Variants in PIK3R4 observed in about 807,000 individuals in gnomAD.
PIK3R4 encodes phosphoinositide 3-kinase regulatory subunit 4.
In PIK3R4, 46 loss-of-function variants were observed where a neutral mutation model predicts 136.5. The ratio of observed to expected loss-of-function variants is 0.34; its 90% CI spans 0.27 to 0.43. The LOEUF (loss-of-function observed/expected upper bound fraction) is 0.43, where lower values mean the gene tolerates loss of function less well. Among genes scored for constraint, PIK3R4 ranks in the 20% least tolerant of loss-of-function variants. The pLI, the probability that PIK3R4 is intolerant of heterozygous loss-of-function variation, is 1.00. For synonymous variants in PIK3R4, 557 were observed against 566.7 expected, an observed-to-expected ratio of 0.98 and a Z score of 0.24; for missense variants, 1,331 against 1,649.5, an observed-to-expected ratio of 0.81 and a Z score of 3.35.
chr3:130,710,168 C>T (rs1409662347), intron 9 of PIK3R4, among the ~76,000 whole-genome samples: 2 of 151,824 alleles, frequency 1.3e-5, no homozygotes, highest in African/African-American at 4.8e-5. Flanking sequence ...AAACCAAATC[C>T]AGTATATATA....
chr3:130,692,711 G>A (rs1190742982), intron 13 of PIK3R4, among the ~76,000 whole-genome samples: 1 of 152,132 alleles, frequency 6.6e-6, no homozygotes, highest in Non-Finnish European at 1.5e-5. Flanking sequence ...AATGCCCACA[G>A]GGGCCCCACA....
intron 4 of PIK3R4, among the ~76,000 whole-genome samples, chr3:130,731,245 C>T (rs1338766104): frequency 1.3e-5 from 2 of 152,174 alleles, no homozygotes; most frequent in Non-Finnish European, 2.9e-5. Context: ...TACTCTTTTC[C>T]TTCTTAGCAG....
Position 130,728,627 on chromosome 3 carries a change from G to T in PIK3R4, c.1643C>A (p.Pro548His). The T allele has an allele frequency of 6.2e-7, 1 of 1,609,742 alleles. No individual in the cohort carries two copies. The stretch of plus-strand genomic sequence containing the variant: ...CAAGGTTTGTTTTACAATATTTTCA[G>T]GGTCACTTAGCAAAGTAACAACTTT... ...QQKVVTLLSDPENIVKQTLME... is the reference protein window; with the variant it reads ...QQKVVTLLSDHENIVKQTLME... The change falls in exon 6 of 20, where the codon CCT (proline) becomes CAT (histidine). Residue 548 changes from proline (P) to histidine (H), a missense_variant. By Grantham distance (77) the Pro-to-His change is moderately conservative. Transcript: ENST00000356763.
At chr3:130,729,042 AATAGG>A (rs2066748518) in intron 5 of PIK3R4, among the ~76,000 whole-genome samples, 1 of 152,230 alleles carries the variant, frequency 6.6e-6, no homozygotes, top group Non-Finnish European at 1.5e-5. Context: ...AAAATAATGG[AATAGG>A]ATTAGGATAT....
chr3:130,706,921 A>T lies in PIK3R4; in HGVS notation c.2721+27T>A, dbSNP rs368689174. ...CAGAAGAGCGTTCAAAGACATTAGG[A>T]GGACTACTGACTGGGTGACACAGTA... On this transcript the variant is annotated intron_variant, in intron 11 of 19. Transcript: ENST00000356763. 445 of 1,562,286 alleles carry T rather than the reference A, an allele frequency of 2.8e-4. 1 individual carries two copies. The highest frequency in any genetic ancestry group is 3.4e-4 in the Non-Finnish European group (389 of 1,152,736).
chr3:130,727,948 A>C (rs1457095138), intron 6 of PIK3R4, among the ~76,000 whole-genome samples: 2 of 151,640 alleles, frequency 1.3e-5, no homozygotes, highest in African/African-American at 2.4e-5. Context: ...CAGCAAAAAA[A>C]AAATGCTGCT....
At chr3:130,695,921 G>T (rs900490348) in intron 13 of PIK3R4, among the ~76,000 whole-genome samples, 1 of 151,976 alleles carries the variant, frequency 6.6e-6, no homozygotes, top group Non-Finnish European at 1.5e-5. Flanking sequence ...CTCAGCCAGG[G>T]CTTTGTGGGA....
At chr3:130,707,226 G>T in intron 10 of PIK3R4, 91 bp from the exon 11 acceptor site, 2 of 720,746 alleles carry the variant, frequency 2.8e-6, no homozygotes, top group Non-Finnish European at 4.4e-6. Context: ...AGTAGAGGAG[G>T]CAGGGATAGC....
At chr3:130,738,451 A>G (rs2066798875) in intron 2 of PIK3R4, among the ~76,000 whole-genome samples, 2 of 152,234 alleles carry the variant, frequency 1.3e-5, no homozygotes, top group African/African-American at 4.8e-5. Flanking sequence ...TCTAACAGAT[A>G]TCGACAGAAC....
intron 13 of PIK3R4, among the ~76,000 whole-genome samples, chr3:130,696,367 ATCTT>A (rs902729442): frequency 6.7e-6 from 1 of 149,802 alleles, no homozygotes; most frequent in African/African-American, 2.5e-5. Flanking sequence ...CTAATTTGGG[ATCTT>A]TCTTCTTTTT....
chr3:130,680,615 G>A lies in PIK3R4; in HGVS notation c.3904C>T (p.Gln1302Ter). ...AAGGAATGAAAAGACTACAGTACCT[G>A]GACAACTTCAGTGCCTTCAATTATT... ...RKIIEGTEVVQEIQNKQKVGP... is the reference protein window; with the variant it reads ...RKIIEGTEVV The change falls in exon 19 of 20, where the codon CAG becomes TAG. Residue 1302 changes from glutamine (Q) to a stop codon, truncating the protein, a stop_gained and splice_region_variant. Coordinates refer to ENST00000356763, the MANE Select transcript of PIK3R4 (RefSeq NM_014602.3). LOFTEE classifies it high-confidence loss of function. The A allele has an allele frequency of 1.3e-6, 2 of 1,555,000 alleles. No homozygotes were observed. Among genetic ancestry groups the A allele is most frequent in the East Asian group, 2.2e-5 (1 of 44,536 alleles).
In PIK3R4 at chr3:130,679,277, T is replaced by G; in HGVS notation, c.*38A>C. The G allele has an allele frequency of 7.9e-7, 1 of 1,273,668 alleles. No homozygotes were observed. The highest frequency in any genetic ancestry group is 1.6e-5 in the South Asian group (1 of 64,142). The allele number at this position is 1,273,668 out of a possible 1,614,324, so 78.9% of individuals were successfully genotyped here. A position where few individuals can be genotyped will look rare whatever the true frequency, so the allele number is the denominator to read the frequency against. On this transcript the variant is annotated 3_prime_UTR_variant, in exon 20 of 20. Transcript: ENST00000356763. The stretch of plus-strand genomic sequence containing the variant: ...TGCCTTTTCTCGAGTTATAGTATTA[T>G]ATTTATAACTATTAAAATTTATACA...
chr3:130,687,951 G>A (rs1401081167), intron 14 of PIK3R4, among the ~76,000 whole-genome samples: 1 of 152,124 alleles, frequency 6.6e-6, no homozygotes, highest in South Asian at 2.1e-4. Flanking sequence ...TGTGTTCATT[G>A]CTACGGCAGT....
chr3:130,730,430 A>T lies in PIK3R4; in HGVS notation c.1463T>A (p.Leu488Gln). 6.3e-7 allele frequency: 1 copy of T among 1,578,824 alleles called. No individual in the cohort carries two copies. The highest frequency in any genetic ancestry group is 8.6e-7 in the Non-Finnish European group (1 of 1,167,602). The change falls in exon 5 of 20, where the codon CTG (leucine) becomes CAG (glutamine). Residue 488 changes from leucine to glutamine, a missense_variant. By Grantham distance (113) the Leu-to-Gln change is moderately radical (BLOSUM62 -2). Transcript: ENST00000356763. Reference protein sequence around the residue: ...VRLAYAENIALLAETALRFLE... With the variant: ...VRLAYAENIAQLAETALRFLE... ...GAATCTCAGAGCTGTTTCTGCCAGC[A>T]GAGCTATGTTTTCTATAAAATAAAA...
chr3:130,722,034 A>G (rs1462636191), intron 7 of PIK3R4, among the ~76,000 whole-genome samples: 1 of 151,550 alleles, frequency 6.6e-6, no homozygotes, highest in Non-Finnish European at 1.5e-5. Flanking sequence ...ATACCTCAAT[A>G]AAGCTGGGGA....
At chr3:130,733,390 G>C (rs964733905) in intron 4 of PIK3R4, among the ~76,000 whole-genome samples, 158 bp downstream of exon 4, 1 of 152,130 alleles carries the variant, frequency 6.6e-6, no homozygotes, top group Admixed American at 6.5e-5. Context: ...TGATTCCCAG[G>C]AACAGAGTAA....
chr3:130,703,802 G>A lies in PIK3R4; in HGVS notation c.3019C>T (p.Leu1007Phe), dbSNP rs944702599. ...CCATCATTTGAACATGTTGCAAAAA[G>A]TGAGTGTTCATCAGAGACTCTAATT... ...NRIRVSDEHS[L>F]FATCSNDGTV... Residue 1007 changes from leucine (L) to phenylalanine (F), a missense_variant, in exon 13 of 20, where the codon CTT (leucine) becomes TTT (phenylalanine). By Grantham distance (22) the Leu-to-Phe change is conservative. Transcript: ENST00000356763. 1 of 1,612,724 alleles carries A rather than the reference G, an allele frequency of 6.2e-7. No homozygotes were observed.
In PIK3R4 at chr3:130,745,248, A is replaced by C; in HGVS notation, c.-30T>G. 6.5e-7 allele frequency: 1 copy of C among 1,545,534 alleles called. No homozygotes were observed. The stretch of plus-strand genomic sequence containing the variant: ...GCAAGCACCTCTGTGGTCTTTAGTA[A>C]GGTTAGGATATAATACCTGTTTAAA... On this transcript the variant is annotated 5_prime_UTR_variant, in exon 2 of 20. Transcript: ENST00000356763.
intron 12 of PIK3R4, among the ~76,000 whole-genome samples, chr3:130,704,907 T>A (rs918182114): frequency 6.6e-6 from 1 of 152,196 alleles, no homozygotes; most frequent in South Asian, 2.1e-4. Context: ...CTCAGCTCAC[T>A]GCAACCTCTA....
Sources: allele counts gnomAD v4.1 joint callset (sites outside exome capture counted in the v4.1 genomes callset), GRCh38; gene constraint gnomAD v4.1.1; transcripts MANE v1.5; gene names NCBI Gene and HGNC (gene_info 2026-07-23, HGNC 2026-07-21).